Variants in GLG1 observed in about 807,000 individuals in gnomAD.
The protein encoded by GLG1 is Golgi apparatus protein 1.
A neutral mutation model predicts 160.5 loss-of-function variants in GLG1; 38 were observed. The ratio of observed to expected loss-of-function variants is 0.24; its 90% confidence interval spans 0.18 to 0.31. The LOEUF is 0.31. GLG1 is among the 10% of genes least tolerant of loss of function. The pLI, the probability that GLG1 is intolerant of heterozygous loss-of-function variation, is 1.00. For missense variants in GLG1, 1,373 were observed against 1,505.2 expected, an observed-to-expected ratio of 0.91 and a Z score of 1.45; for synonymous variants, 644 against 543.4, an observed-to-expected ratio of 1.19 and a Z score of -2.57.
At chr16:74,504,001 T>C (rs1026913090) in intron 3 of GLG1, among the ~76,000 whole-genome samples, 1 of 152,184 alleles carries the variant, frequency 6.6e-6, no homozygotes, top group Non-Finnish European at 1.5e-5. Flanking sequence ...TGCAAAAGAA[T>C]ACCTACATAT....
rs1444596939 is a variant in GLG1, at chr16:74,593,721, C to T, written c.438+12936G>A. Among the ~76,000 whole-genome samples, 5 of 151,940 alleles carry T rather than the reference C, an allele frequency of 3.3e-5. No homozygotes were observed. In the East Asian group the frequency reaches 9.7e-4, roughly 29 times the overall value. ...AAGTGCTGGGATTACAGGTGTGAGC[C>T]ACCACACCTGGCCAGGTACCAGAGC... is the stretch of plus-strand genomic sequence containing the variant. On this transcript the variant is annotated intron_variant, in intron 1 of 25. Transcript: ENST00000422840.
chr16:74,467,896 G>A (rs2015057244), intron 17 of GLG1, 48 bp from the exon 18 acceptor site: 2 of 1,230,164 alleles, frequency 1.6e-6, no homozygotes, highest in Non-Finnish European at 1.2e-6. Flanking sequence ...TTAGGCTGGA[G>A]ATGTCATATG....
intron 1 of GLG1, among the ~76,000 whole-genome samples, chr16:74,595,722 C>T (rs779949226): frequency 3.9e-4 from 59 of 152,290 alleles, no homozygotes; most frequent in Admixed American, 2.0e-3. Flanking sequence ...GAGACACATA[C>T]ATAATTTTAT....
chr16:74,541,234 G>C (rs2017857480), intron 1 of GLG1, among the ~76,000 whole-genome samples: 1 of 143,754 alleles, frequency 7.0e-6, no homozygotes, highest in South Asian at 2.2e-4. Context: ...TGAGGCAGAA[G>C]AATCACTTGA....
At chr16:74,535,606 A>T (rs573330007) in intron 1 of GLG1, among the ~76,000 whole-genome samples, 28 of 152,266 alleles carry the variant, frequency 1.8e-4, no homozygotes, top group Admixed American at 7.9e-4. Flanking sequence ...TTAATTTTTT[A>T]AAATTTTATT....
intron 13 of GLG1, among the ~76,000 whole-genome samples, chr16:74,473,682 C>T (rs1424504217): frequency 2.0e-5 from 3 of 151,958 alleles, no homozygotes; most frequent in African/African-American, 4.8e-5. Flanking sequence ...CCTTGTGATC[C>T]GCCCGCCTCG....
intron 1 of GLG1, among the ~76,000 whole-genome samples, chr16:74,560,823 A>G (rs1330717778): frequency 6.6e-6 from 1 of 152,202 alleles, no homozygotes; most frequent in Admixed American, 6.5e-5. Flanking sequence ...TCTCGAAAGA[A>G]AAAAAGAAGG....
intron 1 of GLG1, among the ~76,000 whole-genome samples, chr16:74,534,891 G>T (rs1226276635): frequency 2.0e-5 from 3 of 152,150 alleles, no homozygotes; most frequent in African/African-American, 4.8e-5. Context: ...TAGTAATACT[G>T]TTAATGTAAC....
intron 15 of GLG1, among the ~76,000 whole-genome samples, chr16:74,470,431 G>A (rs992899833): frequency 7.1e-6 from 1 of 140,770 alleles, no homozygotes; most frequent in Admixed American, 7.6e-5. Flanking sequence ...AATAAAAATA[G>A]GACATATATT....
chr16:74,564,356 T>C (rs1039482007), intron 1 of GLG1, among the ~76,000 whole-genome samples: 7 of 152,244 alleles, frequency 4.6e-5, no homozygotes, highest in African/African-American at 9.6e-5. Flanking sequence ...TATTTGATTT[T>C]AGTTGGTTTG....
chr16:74,478,475 C>G (rs567703664), intron 11 of GLG1, among the ~76,000 whole-genome samples: 1 of 152,234 alleles, frequency 6.6e-6, no homozygotes, highest in African/African-American at 2.4e-5. Context: ...AAAAAGCCAG[C>G]ATACCTGGGG....
chr16:74,450,433 C>T lies in GLG1; in HGVS notation c.*2734G>A, dbSNP rs2014242805. The T allele has an allele frequency of 6.6e-6, 1 of 152,202 alleles. No homozygotes were observed. The highest frequency in any genetic ancestry group is 6.5e-5 in the Admixed American group (1 of 15,276). The allele number at this position is 152,202 out of a possible 1,614,324, so 9.4% of individuals were successfully genotyped here. On this transcript the variant is annotated 3_prime_UTR_variant, in exon 26 of 26. Coordinates refer to ENST00000422840, the MANE Select transcript of GLG1 (RefSeq NM_001145667.2). Reference sequence around the variant, plus strand: ...TTAGAAAAACTTGCTCGGGGCCCTGCCTGGGGCTCTCAAGAGCCAGTCATT... The same window carrying T: ...TTAGAAAAACTTGCTCGGGGCCCTGTCTGGGGCTCTCAAGAGCCAGTCATT...
rs2014210171 is a variant in GLG1 at position 74,449,671 on chromosome 16, T to G, written c.*3496A>C. On this transcript the variant is annotated 3_prime_UTR_variant, in exon 26 of 26. Transcript: ENST00000422840. ...ATGAGACAGCCAAAGGCCTGCAGTG[T>G]GTTCAAGTCAATACCTGCTCACTCA... 6.6e-6 allele frequency: 1 copy of G among 152,156 alleles called. No homozygotes were observed. Among genetic ancestry groups the G allele is most frequent in the African/African-American group, 2.4e-5 (1 of 41,418 alleles). The allele number at this position is 152,156 out of a possible 1,614,324, so 9.4% of individuals were successfully genotyped here.
chr16:74,567,694 G>C (rs368888046), intron 1 of GLG1, among the ~76,000 whole-genome samples: 2,906 of 149,186 alleles, frequency 0.019, 37 homozygotes, highest in Non-Finnish European at 0.028. Flanking sequence ...TCAGCCTCCC[G>C]AGTAGCTGGG....
At chr16:74,504,181 G>C (rs1048614804) in intron 3 of GLG1, among the ~76,000 whole-genome samples, 1 of 152,180 alleles carries the variant, frequency 6.6e-6, no homozygotes, top group Non-Finnish European at 1.5e-5. Flanking sequence ...GTGAAGTCCA[G>C]CTGCATACCC....
At chr16:74,605,760 G>T (rs543356258) in intron 1 of GLG1, among the ~76,000 whole-genome samples, 84 of 152,096 alleles carry the variant, frequency 5.5e-4, no homozygotes, top group African/African-American at 2.0e-3. Context: ...ACCAAAAACA[G>T]TATCAAGTGG....
intron 1 of GLG1, among the ~76,000 whole-genome samples, chr16:74,595,236 G>C (rs1037279555): frequency 6.8e-6 from 1 of 148,122 alleles, no homozygotes; most frequent in Non-Finnish European, 1.5e-5. Context: ...AATTTAAGAA[G>C]AATTAAAAGT....
intron 1 of GLG1, among the ~76,000 whole-genome samples, chr16:74,543,394 G>T (rs1272606557): frequency 1.3e-5 from 2 of 152,212 alleles, no homozygotes; most frequent in Admixed American, 6.5e-5. Context: ...TTAAGACCAG[G>T]AGTTGGAGGC....
chr16:74,453,268 T>G lies in GLG1; in HGVS notation c.3439A>C (p.Ile1147Leu). 1.9e-6 allele frequency: 3 copies of G among 1,613,686 alleles called. No homozygotes were observed. The highest frequency in any genetic ancestry group is 2.5e-6 in the Non-Finnish European group (3 of 1,179,680). Residue 1147 changes from isoleucine to leucine, a missense_variant, in exon 26 of 26, where the codon ATT becomes CTT. Coordinates refer to ENST00000422840, the MANE Select transcript of GLG1 (RefSeq NM_001145667.2). ...ATGCTCCCACTGATCACAGAGAGAA[T>G]GTAGTTCTTAGATGGAGACGTCATT... Reference protein sequence around the residue: ...QVMTSPSKNYILSVISGSICI... With the variant: ...QVMTSPSKNYLLSVISGSICI...
Sources: allele counts gnomAD v4.1 joint callset (sites outside exome capture counted in the v4.1 genomes callset), GRCh38; gene constraint gnomAD v4.1.1; transcripts MANE v1.5; gene names NCBI Gene and HGNC (gene_info 2026-07-23, HGNC 2026-07-21).